NELFCD: variants seen among roughly 807,000 people sequenced by gnomAD.
The protein encoded by NELFCD is negative elongation factor complex member C/D, also known as negative elongation factor C/D.
Under a neutral mutation model 72.9 loss-of-function variants are expected in NELFCD, and 48 were observed. That is an observed-to-expected ratio of 0.66 (90% confidence interval 0.52 to 0.84). The LOEUF (loss-of-function observed/expected upper bound fraction) is 0.84. Ranked by LOEUF, NELFCD falls within the 40% of genes least tolerant of loss-of-function variation. The pLI, the probability that NELFCD is intolerant of heterozygous loss-of-function variation, is 0.00. For synonymous variants in NELFCD, 297 were observed against 280.6 expected (o/e 1.06, Z -0.59); for missense variants, 538 against 723.8 (o/e 0.74, Z 2.94).
Position 58,989,508 on chromosome 20 carries a change from C to T in NELFCD, c.525C>T (p.Tyr175=). Residue 175 remains tyrosine, a synonymous_variant, in exon 6 of 15, where the codon TAC becomes TAT. Coordinates refer to ENST00000652272, the MANE Select transcript of NELFCD (RefSeq NM_198976.4). ...CCTAGCTTATTTCTGACGCAGGGTA[C>T]CAGGGGGAGATCACCAGTGTGTCCA... ...FTVKLISDAG[Y]QGEITSVSTA... 1 of 1,614,132 alleles carries T rather than the reference C, an allele frequency of 6.2e-7. No homozygotes were observed. The highest frequency in any genetic ancestry group is 8.5e-7 in the Non-Finnish European group (1 of 1,180,004).
chr20:58,992,945 A>C, intron 10 of NELFCD, 53 bp from the exon 11 acceptor site: 1 of 1,297,946 alleles, frequency 7.7e-7, no homozygotes, highest in Non-Finnish European at 1.1e-6. Flanking sequence ...CTTTTCTAGC[A>C]TATTTTGTGT....
In NELFCD at chr20:58,993,781, T is replaced by A; in HGVS notation, c.1581+17T>A. 1 of 1,613,410 alleles carries A rather than the reference T, an allele frequency of 6.2e-7. No homozygotes were observed. Among genetic ancestry groups the A allele is most frequent in the Middle Eastern group, 1.6e-4 (1 of 6,062 alleles). ...GTCACTGAGGTCAGCAATGCACCGT[T>A]GGTTTCATGTTTCATACTGTTTACA... On this transcript the variant is annotated intron_variant, in intron 13 of 14. Coordinates refer to ENST00000652272, the MANE Select transcript of NELFCD (RefSeq NM_198976.4). This position sits in a 1 kb window ranked among gnomAD's most constrained non-coding sequence, Gnocchi z 5.0.
At position 58,986,030 on chromosome 20, in the gene NELFCD, A is replaced by G; in HGVS notation, c.61-63A>G. 1 of 1,044,986 alleles carries G rather than the reference A, an allele frequency of 9.6e-7. No homozygotes were observed. Among genetic ancestry groups the G allele is most frequent in the African/African-American group, 1.6e-5 (1 of 64,206 alleles). 64.7% of individuals were successfully genotyped at this position (1,044,986 alleles called of 1,614,324 possible). ...AAAATGGGCAGCATTATACGATTTAAGGTGAGATTAGGGTATTTGTATTAA... is the reference window on the plus strand; with the variant it reads ...AAAATGGGCAGCATTATACGATTTAGGGTGAGATTAGGGTATTTGTATTAA... On this transcript the variant is annotated intron_variant, in intron 1 of 14. Transcript: ENST00000652272. The surrounding 1 kb of genome is among the most constrained non-coding windows in gnomAD (Gnocchi z 4.4).
chr20:58,988,357 T>C (rs1171084194), intron 4 of NELFCD, among the ~76,000 whole-genome samples: 1 of 152,204 alleles, frequency 6.6e-6, no homozygotes, highest in Non-Finnish European at 1.5e-5. Flanking sequence ...AGGTGCCCAT[T>C]CTGGGAGCCC....
At chr20:58,988,777 G>T (rs2091791002) in intron 4 of NELFCD, 137 bp from the exon 5 acceptor site, 19 of 628,714 alleles carry the variant, frequency 3.0e-5, no homozygotes, top group Non-Finnish European at 5.4e-5. Flanking sequence ...GCCAGCTCTG[G>T]GTCTGCCTCC....
chr20:58,986,328 AG>A lies in NELFCD; in HGVS notation c.176+127del, dbSNP rs112493941. Reference sequence around the variant, plus strand: ...AACGCGAACTGAACTAAAGGCTTCAAGGGGGGGTCCCCTCTGCCACTTTTTT... The same window carrying A: ...AACGCGAACTGAACTAAAGGCTTCAAGGGGGGTCCCCTCTGCCACTTTTTT... On this transcript the variant is annotated intron_variant, in intron 2 of 14. Coordinates refer to ENST00000652272, the MANE Select transcript of NELFCD (RefSeq NM_198976.4). The surrounding 1 kb of genome is among the most constrained non-coding windows in gnomAD (Gnocchi z 4.4). 28 of 664,082 alleles carry A rather than the reference AG, an allele frequency of 4.2e-5. No individual in the cohort carries two copies. Among genetic ancestry groups the A allele is most frequent in the Non-Finnish European group, 2.6e-5 (10 of 386,566 alleles). 41.1% of individuals were successfully genotyped at this position (664,082 alleles called of 1,614,324 possible). A position where few individuals can be genotyped will look rare whatever the true frequency, so the allele number is the denominator to read the frequency against.
Position 58,993,864 on chromosome 20 carries a change from C to T in NELFCD, c.1581+100C>T, listed in dbSNP as rs928664816. ...ATTTTGTACCTAACTGAGAACTGTG[C>T]TTTCTGATGTAGTGATGACAATGAC... On this transcript the variant is annotated intron_variant, in intron 13 of 14. Transcript: ENST00000652272. This position sits in a 1 kb window ranked among gnomAD's most constrained non-coding sequence, Gnocchi z 5.0. 3.7e-6 allele frequency: 5 copies of T among 1,365,852 alleles called. No individual in the cohort carries two copies. Among genetic ancestry groups the T allele is most frequent in the Non-Finnish European group, 5.1e-6 (5 of 983,426 alleles). 84.6% of individuals were successfully genotyped at this position (1,365,852 alleles called of 1,614,324 possible).
At chr20:58,987,629 A>C in intron 3 of NELFCD, 79 bp from the exon 4 acceptor site, 1 of 1,133,614 alleles carries the variant, frequency 8.8e-7, no homozygotes, top group Non-Finnish European at 1.3e-6. Context: ...TCACATAGAG[A>C]CTTTTGACCA....
In NELFCD at chr20:58,995,042, C is replaced by T. The variant is rs866723372; in HGVS notation, c.*366C>T. The T allele has an allele frequency of 8.6e-6, 2 of 231,776 alleles. No individual in the cohort carries two copies. The highest frequency in any genetic ancestry group is 2.3e-4 in the South Asian group (2 of 8,702). 14.4% of individuals were successfully genotyped at this position (231,776 alleles called of 1,614,324 possible). ...TGACCTCAGTTTTCTCACAAGAACC[C>T]AGTTAGCTGATGTTTTATTGTAATT... On this transcript the variant is annotated 3_prime_UTR_variant, in exon 15 of 15. Transcript: ENST00000652272.
chr20:58,991,496 C>T lies in NELFCD; in HGVS notation c.1089+50C>T, dbSNP rs765895651. 1.9e-6 allele frequency: 3 copies of T among 1,604,646 alleles called. No individual in the cohort carries two copies. The African/African-American group carries it at 4.0e-5, about 22-fold the overall frequency. The stretch of plus-strand genomic sequence containing the variant: ...GGATTTTTTAGGAGACAAATATCCT[C>T]CTCTGCTTTGATATTATTTTGGAAT... On this transcript the variant is annotated intron_variant, in intron 9 of 14. Coordinates refer to ENST00000652272, the MANE Select transcript of NELFCD (RefSeq NM_198976.4).
intron 1 of NELFCD, among the ~76,000 whole-genome samples, chr20:58,983,432 G>A (rs1442141438): frequency 1.1e-4 from 16 of 146,910 alleles, no homozygotes; most frequent in Non-Finnish European, 1.9e-4. Context: ...CACCGCACCC[G>A]GCCTTTTTTT....
rs754255816 is a variant in NELFCD at position 58,993,094 on chromosome 20, C to T, written c.1326C>T (p.His442=). 1.2e-6 allele frequency: 2 copies of T among 1,613,974 alleles called. No individual in the cohort carries two copies. Among genetic ancestry groups the T allele is most frequent in the South Asian group, 2.2e-5 (2 of 91,080 alleles). ...TGCAGACTGACCATACCCCTGTCCA[C>T]CTGGCGTTGCTGGATGAGGTAAGAG... is the stretch of plus-strand genomic sequence containing the variant. ...FQLQTDHTPV[H]LALLDEISTC... The change falls in exon 11 of 15, where the codon CAC becomes CAT. Residue 442 remains histidine, a synonymous_variant. Coordinates refer to ENST00000652272, the MANE Select transcript of NELFCD (RefSeq NM_198976.4). This position sits in a 1 kb window ranked among gnomAD's most constrained non-coding sequence, Gnocchi z 5.0.
In NELFCD at chr20:58,994,896, A is replaced by T; in HGVS notation, c.*220A>T. ...GCTGTCAATCCAATACTGCTCCCAA[A>T]TCCTGTTTTCAGTGTTCATTTCCCT... On this transcript the variant is annotated 3_prime_UTR_variant, in exon 15 of 15. Coordinates refer to ENST00000652272, the MANE Select transcript of NELFCD (RefSeq NM_198976.4). 7.3e-6 allele frequency: 4 copies of T among 548,110 alleles called. No homozygotes were observed. The allele number at this position is 548,110 out of a possible 1,614,324, so 34.0% of individuals were successfully genotyped here. A position where few individuals can be genotyped will look rare whatever the true frequency, so the allele number is the denominator to read the frequency against.
At chr20:58,991,491 A>G in intron 9 of NELFCD, 45 bp downstream of exon 9, 2 of 1,610,152 alleles carry the variant, frequency 1.2e-6, no homozygotes, top group Non-Finnish European at 1.7e-6. Context: ...GGAGACAAAT[A>G]TCCTCCTCTG....
chr20:58,991,203 C>CT, intron 8 of NELFCD, 109 bp from the exon 9 acceptor site: 1 of 1,561,326 alleles, frequency 6.4e-7, no homozygotes, highest in Non-Finnish European at 8.8e-7. Context: ...CAGTCACACT[C>CT]TCTGCCTGGA....
rs371935126 is a variant in NELFCD at position 58,994,148 on chromosome 20, C to T, written c.1620C>T (p.Phe540=). The T allele has an allele frequency of 2.8e-5, 45 of 1,614,098 alleles. No homozygotes were observed. Among genetic ancestry groups the T allele is most frequent in the African/African-American group, 2.3e-4 (17 of 74,952 alleles). ...TTGCTCCTCCTTATACCTCTGACTT[C>T]GTGCAACTTTTCCTCCCCATCCTGG... is the stretch of plus-strand genomic sequence containing the variant. The part of the protein sequence containing the change: ...DVIAPPYTSD[F]VQLFLPILEN... Residue 540 remains phenylalanine (F), a synonymous_variant, in exon 14 of 15, where the codon TTC becomes TTT. Transcript: ENST00000652272.
chr20:58,982,597 G>C (rs79087230), intron 1 of NELFCD, among the ~76,000 whole-genome samples: 17,252 of 152,224 alleles, frequency 0.11, 1,100 homozygotes, highest in Admixed American at 0.18. Context: ...TCGGAGCCAT[G>C]GTCTAAAATG....
At chr20:58,983,768 T>G (rs938563947) in intron 1 of NELFCD, among the ~76,000 whole-genome samples, 1 of 152,114 alleles carries the variant, frequency 6.6e-6, no homozygotes, top group South Asian at 2.1e-4. Context: ...AACTGGGGCA[T>G]ATAAGGGCCA....
At position 58,986,904 on chromosome 20, in the gene NELFCD, CT is replaced by C; in HGVS notation, c.286+47del. 7.4e-7 allele frequency: 1 copy of C among 1,346,806 alleles called. No homozygotes were observed. The highest frequency in any genetic ancestry group is 1.0e-6 in the Non-Finnish European group (1 of 955,280). 83.4% of individuals were successfully genotyped at this position (1,346,806 alleles called of 1,614,324 possible). A position where few individuals can be genotyped will look rare whatever the true frequency, so the allele number is the denominator to read the frequency against. ...CCCCTGTCCTGGCTAGTTACCCCCA[CT>C]TTTTTAAAAATAGACTTTTGGGTCC... On this transcript the variant is annotated intron_variant, in intron 3 of 14. Coordinates refer to ENST00000652272, the MANE Select transcript of NELFCD (RefSeq NM_198976.4). This position sits in a 1 kb window ranked among gnomAD's most constrained non-coding sequence, Gnocchi z 4.4.
Sources: allele counts gnomAD v4.1 joint callset (sites outside exome capture counted in the v4.1 genomes callset), GRCh38; gene constraint gnomAD v4.1.1; non-coding constraint Gnocchi (gnomAD v3.1); transcripts MANE v1.5; gene names NCBI Gene and HGNC (gene_info 2026-07-23, HGNC 2026-07-21).